EPM2AIP1: variants seen among roughly 807,000 people sequenced by gnomAD.
The protein encoded by EPM2AIP1 is EPM2A interacting protein 1, also known as EPM2A-interacting protein 1.
EPM2AIP1 carries 23 observed loss-of-function variants against 44.8 expected under a neutral mutation model. The observed-to-expected ratio is 0.51, with a 90% confidence interval of 0.37 to 0.73. The LOEUF is 0.73. Ranked by LOEUF, EPM2AIP1 falls within the 30% of genes least tolerant of loss-of-function variation. EPM2AIP1 has a pLI of 0.00. For missense variants in EPM2AIP1, 652 were observed against 743.9 expected (o/e 0.88, Z 1.44); for synonymous variants, 311 against 284.3 (o/e 1.09, Z -0.94).
rs975706879 is a variant in EPM2AIP1 at position 36,992,682 on chromosome 3, T to A, written c.396A>T (p.Val132=). Residue 132 remains valine, a synonymous_variant, in exon 1 of 1, where the codon GTA becomes GTT. Coordinates refer to ENST00000322716, the MANE Select transcript of EPM2AIP1 (RefSeq NM_014805.4). The surrounding 1 kb of genome is among the most constrained non-coding windows in gnomAD (Gnocchi z 5.3). ...YQCMEVLLRE[V]LPEHVSVLQG... ...GCAGGACGCTTACATGCTCGGGCAG[T>A]ACCTCTCTCAGCAACACCTCCATGC... 3 of 1,613,824 alleles carry A rather than the reference T, an allele frequency of 1.9e-6. No homozygotes were observed. In the African/African-American group the frequency reaches 4.0e-5, roughly 22 times the overall value.
At position 36,991,370 on chromosome 3, in the gene EPM2AIP1, T is replaced by C; in HGVS notation, c.1708A>G (p.Thr570Ala). 6.2e-7 allele frequency: 1 copy of C among 1,614,046 alleles called. No individual in the cohort carries two copies. Among genetic ancestry groups the C allele is most frequent in the Non-Finnish European group, 8.5e-7 (1 of 1,179,892 alleles). ...AFSYLTRNQHTLSQPLTDEHL... is the reference protein window; with the variant it reads ...AFSYLTRNQHALSQPLTDEHL... ...TCATCTGTTAATGGCTGACTCAAAG[T>C]GTGTTGGTTTCGAGTCAAATATGAA... The change falls in exon 1 of 1, where the codon ACT becomes GCT. Residue 570 changes from threonine (T) to alanine (A), a missense_variant. By Grantham distance (58) the Thr-to-Ala change is moderately conservative. Transcript: ENST00000322716.
rs946313799 is a variant in EPM2AIP1, at chr3:36,988,816, G to A, written c.*2438C>T. The A allele has an allele frequency of 6.6e-6, 1 of 151,612 alleles. No homozygotes were observed. Among genetic ancestry groups the A allele is most frequent in the African/African-American group, 2.4e-5 (1 of 41,218 alleles). 9.4% of individuals were successfully genotyped at this position (151,612 alleles called of 1,614,324 possible). On this transcript the variant is annotated 3_prime_UTR_variant, in exon 1 of 1. Coordinates refer to ENST00000322716, the MANE Select transcript of EPM2AIP1 (RefSeq NM_014805.4). ...GAAAACTAGTAGGAATGAGCTATAG[G>A]ACAGTAACTGGTAAGGACCTAATAA...
Position 36,991,555 on chromosome 3 carries a change from G to A in EPM2AIP1, c.1523C>T (p.Thr508Ile). The change falls in exon 1 of 1, where the codon ACA becomes ATA. Residue 508 changes from threonine to isoleucine, a missense_variant. By Grantham distance (89) the Thr-to-Ile change is moderately conservative. Coordinates refer to ENST00000322716, the MANE Select transcript of EPM2AIP1 (RefSeq NM_014805.4). ...AAGATTAGTGTTTGCCTGAAGTTTT[G>A]TTAGCTCCACCCTCACTGAAATAGG... ...YAPISVRVEL[T>I]KLQANTNLWN... is the part of the protein sequence containing the mutation. The A allele has an allele frequency of 1.2e-6, 2 of 1,613,678 alleles. No individual in the cohort carries two copies. Among genetic ancestry groups the A allele is most frequent in the Non-Finnish European group, 1.7e-6 (2 of 1,179,750 alleles).
rs953887468 is a variant in EPM2AIP1 at position 36,987,651 on chromosome 3, T to C, written c.*3603A>G. 3 of 152,160 alleles carry C rather than the reference T, an allele frequency of 2.0e-5. No individual in the cohort carries two copies. The highest frequency in any genetic ancestry group is 4.1e-4 in the South Asian group (2 of 4,836). 9.4% of individuals were successfully genotyped at this position (152,160 alleles called of 1,614,324 possible). On this transcript the variant is annotated 3_prime_UTR_variant, in exon 1 of 1. Transcript: ENST00000322716. ...ACAACAGAGAAAACCACAATTTGTT[T>C]AACAGTCACATAATACATATTTAAG...
Position 36,992,344 on chromosome 3 carries a change from G to C in EPM2AIP1, c.734C>G (p.Thr245Ser). 6.2e-7 allele frequency: 1 copy of C among 1,613,904 alleles called. No homozygotes were observed. Among genetic ancestry groups the C allele is most frequent in the South Asian group, 1.1e-5 (1 of 91,078 alleles). Residue 245 changes from threonine to serine, a missense_variant, in exon 1 of 1, where the codon ACC becomes AGC. Physicochemically the swap from Thr to Ser is moderately conservative, Grantham distance 58 (BLOSUM62 1). Coordinates refer to ENST00000322716, the MANE Select transcript of EPM2AIP1 (RefSeq NM_014805.4). This position sits in a 1 kb window ranked among gnomAD's most constrained non-coding sequence, Gnocchi z 5.3. ...GLSLQRMVGL[T>S]TTHTLRMIGE... ...AATCATCCTCAAAGTATGGGTCGTGGTCAGTCCAACCATTCTCTGCAAGCT... is the reference window on the plus strand; with the variant it reads ...AATCATCCTCAAAGTATGGGTCGTGCTCAGTCCAACCATTCTCTGCAAGCT...
rs772540391 is a variant in EPM2AIP1 at position 36,993,084 on chromosome 3, G to A, written c.-7C>T. ...TTTTGGGCGTCATCCACATTCTGCG[G>A]GAGGCCACAAGAGCAGGGCCAACGT... On this transcript the variant is annotated 5_prime_UTR_variant, in exon 1 of 1. Coordinates refer to ENST00000322716, the MANE Select transcript of EPM2AIP1 (RefSeq NM_014805.4). 1 of 1,596,688 alleles carries A rather than the reference G, an allele frequency of 6.3e-7. No homozygotes were observed. The highest frequency in any genetic ancestry group is 1.1e-5 in the South Asian group (1 of 89,586).
In EPM2AIP1 at chr3:36,986,781, CAAAAAAAAAAAAAA is replaced by C. The variant is rs11294180; in HGVS notation, c.*4459_*4472del. On this transcript the variant is annotated 3_prime_UTR_variant, in exon 1 of 1. Transcript: ENST00000322716. ...TGGGTGACAAAGTGAGACCCCGCCT[CAAAAAAAAAAAAAA>C]AAAAAAAAGCCAGTTTTGCAGCAAG... 1.3e-5 allele frequency: 1 copy of C among 75,582 alleles called. No homozygotes were observed. Among genetic ancestry groups the C allele is most frequent in the Admixed American group, 1.6e-4 (1 of 6,386 alleles). 4.7% of individuals were successfully genotyped at this position (75,582 alleles called of 1,614,324 possible).
At position 36,991,688 on chromosome 3, in the gene EPM2AIP1, T is replaced by A; in HGVS notation, c.1390A>T (p.Ile464Phe). ...IFDPDRYQMVICRLQKEFERH... is the reference protein window; with the variant it reads ...IFDPDRYQMVFCRLQKEFERH... ...TCAAATTCTTTTTGGAGACGACAGA[T>A]CACCATTTGATACCTATCAGGATCA... The change falls in exon 1 of 1, where the codon ATC becomes TTC. Residue 464 changes from isoleucine to phenylalanine, a missense_variant. Physicochemically the swap from Ile to Phe is conservative, Grantham distance 21. Transcript: ENST00000322716. The A allele has an allele frequency of 6.2e-7, 1 of 1,613,142 alleles. No homozygotes were observed. Among genetic ancestry groups the A allele is most frequent in the East Asian group, 2.2e-5 (1 of 44,878 alleles).
In EPM2AIP1 at chr3:36,991,118, TTTAA is replaced by T; in HGVS notation, c.*132_*135del. On this transcript the variant is annotated 3_prime_UTR_variant, in exon 1 of 1. Transcript: ENST00000322716. ...TGAAAAAAAAGGCAACTGTCAGAAT[TTTAA>T]TTGTGATCAGTTTGGACGGCTGGTA... is the stretch of plus-strand genomic sequence containing the variant. The T allele has an allele frequency of 7.3e-7, 1 of 1,370,792 alleles. No homozygotes were observed. 84.9% of individuals were successfully genotyped at this position (1,370,792 alleles called of 1,614,324 possible).
chr3:36,990,731 TA>T lies in EPM2AIP1; in HGVS notation c.*522del, dbSNP rs1336655287. The T allele has an allele frequency of 1.1e-5, 11 of 985,078 alleles. No homozygotes were observed. Among genetic ancestry groups the T allele is most frequent in the African/African-American group, 1.7e-5 (1 of 57,164 alleles). 61.0% of individuals were successfully genotyped at this position (985,078 alleles called of 1,614,324 possible). On this transcript the variant is annotated 3_prime_UTR_variant, in exon 1 of 1. Coordinates refer to ENST00000322716, the MANE Select transcript of EPM2AIP1 (RefSeq NM_014805.4). Reference sequence around the variant, plus strand: ...TATTACCTTCGAACTCAGAAATGTTTAAAAAAAAGTCTCAAACATTTTGATG... The same window carrying T: ...TATTACCTTCGAACTCAGAAATGTTTAAAAAAAGTCTCAAACATTTTGATG...
chr3:36,985,493 A>T lies in EPM2AIP1; in HGVS notation c.*5761T>A, dbSNP rs1004833280. 1 of 152,222 alleles carries T rather than the reference A, an allele frequency of 6.6e-6. No homozygotes were observed. The highest frequency in any genetic ancestry group is 1.5e-5 in the Non-Finnish European group (1 of 68,044). The allele number at this position is 152,222 out of a possible 1,614,324, so 9.4% of individuals were successfully genotyped here. ...AAGAAAGCATATAAATGAAGATGTT[A>T]ATCAGTGGTGTTGTCTTCCAAATAT... On this transcript the variant is annotated 3_prime_UTR_variant, in exon 1 of 1. Coordinates refer to ENST00000322716, the MANE Select transcript of EPM2AIP1 (RefSeq NM_014805.4).
Position 36,993,019 on chromosome 3 carries a change from G to A in EPM2AIP1, c.59C>T (p.Pro20Leu). The A allele has an allele frequency of 6.2e-7, 1 of 1,612,228 alleles. No homozygotes were observed. Among genetic ancestry groups the A allele is most frequent in the Non-Finnish European group, 8.5e-7 (1 of 1,179,288 alleles). Reference sequence around the variant, plus strand: ...CACCAAATAACGCTGGGTCCACTCGGGCCGGAAAACTAGAGCCTCGTCGAC... The same window carrying A: ...CACCAAATAACGCTGGGTCCACTCGAGCCGGAAAACTAGAGCCTCGTCGAC... ...MEVDEALVFR[P>L]EWTQRYLVVE... is the part of the protein sequence containing the mutation. The change falls in exon 1 of 1, where the codon CCC becomes CTC. Residue 20 changes from proline (P) to leucine (L), a missense_variant. By Grantham distance (98) the Pro-to-Leu change is moderately conservative (BLOSUM62 -3). Coordinates refer to ENST00000322716, the MANE Select transcript of EPM2AIP1 (RefSeq NM_014805.4).
At position 36,991,377 on chromosome 3, in the gene EPM2AIP1, G is replaced by T. The variant is rs2080802658; in HGVS notation, c.1701C>A (p.Asn567Lys). 1 of 1,613,994 alleles carries T rather than the reference G, an allele frequency of 6.2e-7. No individual in the cohort carries two copies. The highest frequency in any genetic ancestry group is 1.3e-5 in the African/African-American group (1 of 75,032). Reference protein sequence around the residue: ...CEKAFSYLTRNQHTLSQPLTD... With the variant: ...CEKAFSYLTRKQHTLSQPLTD... ...TTAATGGCTGACTCAAAGTGTGTTG[G>T]TTTCGAGTCAAATATGAAAAAGCCT... The change falls in exon 1 of 1, where the codon AAC becomes AAA. Residue 567 changes from asparagine (N) to lysine (K), a missense_variant. Coordinates refer to ENST00000322716, the MANE Select transcript of EPM2AIP1 (RefSeq NM_014805.4).
chr3:36,992,195 T>G lies in EPM2AIP1; in HGVS notation c.883A>C (p.Asn295His). 6.2e-7 allele frequency: 1 copy of G among 1,614,024 alleles called. No individual in the cohort carries two copies. Among genetic ancestry groups the G allele is most frequent in the Non-Finnish European group, 8.5e-7 (1 of 1,179,878 alleles). Residue 295 changes from asparagine to histidine, a missense_variant, in exon 1 of 1, where the codon AAT (asparagine) becomes CAT (histidine). Coordinates refer to ENST00000322716, the MANE Select transcript of EPM2AIP1 (RefSeq NM_014805.4). This position sits in a 1 kb window ranked among gnomAD's most constrained non-coding sequence, Gnocchi z 5.3. ...TCGGATATGGTATTTATGATCTGATTAACATCTACATCATAGGAGCTCAAC... is the reference window on the plus strand; with the variant it reads ...TCGGATATGGTATTTATGATCTGATGAACATCTACATCATAGGAGCTCAAC... ...ELLSSYDVDV[N>H]QIINTISEWI...
In EPM2AIP1 at chr3:36,991,970, CT is replaced by C; in HGVS notation, c.1107del (p.Val370SerfsTer50). 6.2e-7 allele frequency: 1 copy of C among 1,613,858 alleles called. No homozygotes were observed. Among genetic ancestry groups the C allele is most frequent in the Non-Finnish European group, 8.5e-7 (1 of 1,179,860 alleles). On this transcript the variant is annotated frameshift_variant, in exon 1 of 1. Coordinates refer to ENST00000322716, the MANE Select transcript of EPM2AIP1 (RefSeq NM_014805.4). LOFTEE classifies it high-confidence loss of function. Reference sequence around the variant, plus strand: ...AGCCATTGTTTGTCTGAGAAGTGGACTGTTGTTGCCCCTACTGAAACCAAGA... The same window carrying C: ...AGCCATTGTTTGTCTGAGAAGTGGACGTTGTTGCCCCTACTGAAACCAAGA... ...EAFLVSVGAT[T>X]VHFSDKQWLC... is the part of the protein sequence containing the mutation.
At position 36,987,373 on chromosome 3, in the gene EPM2AIP1, G is replaced by T. The variant is rs2080775045; in HGVS notation, c.*3881C>A. 6.7e-6 allele frequency: 1 copy of T among 150,040 alleles called. No individual in the cohort carries two copies. The highest frequency in any genetic ancestry group is 2.1e-4 in the South Asian group (1 of 4,790). 9.3% of individuals were successfully genotyped at this position (150,040 alleles called of 1,614,324 possible). A position where few individuals can be genotyped will look rare whatever the true frequency, so the allele number is the denominator to read the frequency against. On this transcript the variant is annotated 3_prime_UTR_variant, in exon 1 of 1. Transcript: ENST00000322716. ...CATTTAGTAAAAACATATTGTTTTAGTTCACTAAGTAGTTGTCTAATCTTT... is the reference window on the plus strand; with the variant it reads ...CATTTAGTAAAAACATATTGTTTTATTTCACTAAGTAGTTGTCTAATCTTT...
rs1285428767 is a variant in EPM2AIP1, at chr3:36,985,137, A to T, written c.*6117T>A. 6.6e-6 allele frequency: 1 copy of T among 152,252 alleles called. No individual in the cohort carries two copies. The highest frequency in any genetic ancestry group is 1.5e-5 in the Non-Finnish European group (1 of 68,036). 9.4% of individuals were successfully genotyped at this position (152,252 alleles called of 1,614,324 possible). A position where few individuals can be genotyped will look rare whatever the true frequency, so the allele number is the denominator to read the frequency against. ...AATGGGTAAGTTGTGATGTAGTCAC[A>T]CAATGGAATACTACACAGAAGTAAA... is the stretch of plus-strand genomic sequence containing the variant. On this transcript the variant is annotated 3_prime_UTR_variant, in exon 1 of 1. Coordinates refer to ENST00000322716, the MANE Select transcript of EPM2AIP1 (RefSeq NM_014805.4).
At position 36,988,336 on chromosome 3, in the gene EPM2AIP1, T is replaced by C. The variant is rs1411590452; in HGVS notation, c.*2918A>G. 1 of 152,178 alleles carries C rather than the reference T, an allele frequency of 6.6e-6. No individual in the cohort carries two copies. The highest frequency in any genetic ancestry group is 6.6e-5 in the Admixed American group (1 of 15,266). 9.4% of individuals were successfully genotyped at this position (152,178 alleles called of 1,614,324 possible). A position where few individuals can be genotyped will look rare whatever the true frequency, so the allele number is the denominator to read the frequency against. ...AGAATTGGTAAAAAGGACAAATGAA[T>C]GGTTGGTAGTGGTAATGCCATTTAG... On this transcript the variant is annotated 3_prime_UTR_variant, in exon 1 of 1. Transcript: ENST00000322716.
chr3:36,992,567 C>A lies in EPM2AIP1; in HGVS notation c.511G>T (p.Asp171Tyr). 6.2e-7 allele frequency: 1 copy of A among 1,614,024 alleles called. No homozygotes were observed. Among genetic ancestry groups the A allele is most frequent in the Non-Finnish European group, 8.5e-7 (1 of 1,179,900 alleles). ...LRNQLFNRAR[D>Y]FKAYSLALDD... ...AAGGCAAGAGAATAGGCTTTAAAGT[C>A]CCTGGCTCGGTTAAAAAGCTGGTTG... The change falls in exon 1 of 1, where the codon GAC becomes TAC. Residue 171 changes from aspartate (D) to tyrosine (Y), a missense_variant. By Grantham distance (160) the Asp-to-Tyr change is radical (BLOSUM62 -3). Transcript: ENST00000322716. The surrounding 1 kb of genome is among the most constrained non-coding windows in gnomAD (Gnocchi z 5.3).
Sources: gnomAD v4.1 joint callset for allele counts on GRCh38, gnomAD v4.1.1 for gene constraint, Gnocchi (gnomAD v3.1) non-coding constraint, MANE v1.5 for transcripts, NCBI Gene and HGNC (gene_info 2026-07-23, HGNC 2026-07-21) for gene names.